PARD3: variants seen among roughly 807,000 people sequenced by gnomAD.
PARD3 encodes partitioning defective 3 homolog.
A neutral mutation model predicts 155.4 loss-of-function variants in PARD3; 75 were observed. The observed-to-expected ratio is 0.48, with a 90% confidence interval of 0.40 to 0.58. PARD3 has a LOEUF of 0.58. Ranked by LOEUF, PARD3 falls within the 20% of genes least tolerant of loss-of-function variation. PARD3 has a pLI of 0.00. For missense variants in PARD3, 1,642 were observed against 1,721.7 expected (o/e 0.95, Z 0.82); for synonymous variants, 576 against 610.5 (o/e 0.94, Z 0.83).
chr10:34,512,010 C>A (rs1000102929), intron 3 of PARD3, among the ~76,000 whole-genome samples: 1 of 152,212 alleles, frequency 6.6e-6, no homozygotes, highest in East Asian at 1.9e-4. Context: ...GAACACCTCC[C>A]ATTAGGCCAC....
Position 34,341,789 on chromosome 10 carries a change from T to G in PARD3, c.2246A>C (p.Asn749Thr), listed in dbSNP as rs779058097. The stretch of plus-strand genomic sequence containing the variant: ...AATGACAGTGTCATCTTGGGGCATA[T>G]TCACTGTAGGGGACAGCTGGTATTT... ...MGKYQLSPTV[N>T]MPQDDTVIIE... The change falls in exon 16 of 25, where the codon AAT becomes ACT. Residue 749 changes from asparagine (N) to threonine (T), a missense_variant. Coordinates refer to ENST00000374788, the MANE Select transcript of PARD3 (RefSeq NM_001184785.2). 9.9e-6 allele frequency: 16 copies of G among 1,612,906 alleles called. No individual in the cohort carries two copies. The Admixed American group carries it at 2.7e-4, about 27-fold the overall frequency.
chr10:34,203,243 T>C (rs1488464601), intron 22 of PARD3, among the ~76,000 whole-genome samples: 2 of 152,218 alleles, frequency 1.3e-5, no homozygotes, highest in Non-Finnish European at 2.9e-5. Flanking sequence ...CTTCAATCTA[T>C]ATGCCAAACC....
chr10:34,371,498 A>C lies in PARD3; in HGVS notation c.1707+1000T>G, dbSNP rs914896142. Among the ~76,000 whole-genome samples the C allele has an allele frequency of 1.7e-4, 10 of 58,692 alleles. 1 individual carries two copies. The highest frequency in any genetic ancestry group is 1.2e-3 in the African/African-American group (6 of 5,164). The allele number at this position is 58,692 out of a possible 152,430, so 38.5% of individuals were successfully genotyped here. On this transcript the variant is annotated intron_variant, in intron 12 of 24. Transcript: ENST00000374788. ...GAGATTCTAGACTCAAAAAAAAAAAAAAAAAAAAAAAAAAAAAAAAAAAAA... is the reference window on the plus strand; with the variant it reads ...GAGATTCTAGACTCAAAAAAAAAAACAAAAAAAAAAAAAAAAAAAAAAAAA...
intron 22 of PARD3, among the ~76,000 whole-genome samples, chr10:34,195,667 G>T (rs986093072): frequency 1.3e-5 from 2 of 152,168 alleles, no homozygotes; most frequent in African/African-American, 4.8e-5. Flanking sequence ...GTTCCGAGAA[G>T]AATGAGAAGG....
intron 15 of PARD3, 79 bp from the exon 16 acceptor site, chr10:34,341,895 A>G (rs765404236): frequency 2.1e-5 from 18 of 859,764 alleles, no homozygotes; most frequent in Non-Finnish European, 2.9e-5. Context: ...ATACTTTGCT[A>G]TATTAGTAAA....
chr10:34,762,219 CTT>C (rs995270042), intron 1 of PARD3, among the ~76,000 whole-genome samples: 10 of 151,294 alleles, frequency 6.6e-5, no homozygotes, highest in Non-Finnish European at 1.3e-4. Flanking sequence ...AAACAGTTTA[CTT>C]TTTTGTGTGT....
intron 22 of PARD3, among the ~76,000 whole-genome samples, chr10:34,171,205 C>G (rs1362327665): frequency 6.6e-6 from 1 of 152,194 alleles, no homozygotes; most frequent in Non-Finnish European, 1.5e-5. Context: ...TCAAGCTTTA[C>G]TGAAAGGCAA....
At chr10:34,783,343 G>A (rs892563560) in intron 1 of PARD3, among the ~76,000 whole-genome samples, 2 of 152,000 alleles carry the variant, frequency 1.3e-5, no homozygotes, top group East Asian at 1.9e-4. Context: ...AGTGGCTCAC[G>A]CCTGTAATCC....
intron 5 of PARD3, among the ~76,000 whole-genome samples, chr10:34,434,465 A>T (rs1257798646): frequency 6.6e-6 from 1 of 152,238 alleles, no homozygotes. Flanking sequence ...TGGTCAGCAT[A>T]AGACATGCTG....
At chr10:34,594,090 C>CA (rs2088991215) in intron 2 of PARD3, among the ~76,000 whole-genome samples, 1 of 152,176 alleles carries the variant, frequency 6.6e-6, no homozygotes, top group Non-Finnish European at 1.5e-5. Context: ...CCCAAGCACT[C>CA]AGACTATAGC....
At chr10:34,765,151 A>G (rs1249557873) in intron 1 of PARD3, among the ~76,000 whole-genome samples, 1 of 152,126 alleles carries the variant, frequency 6.6e-6, no homozygotes, top group Non-Finnish European at 1.5e-5. Flanking sequence ...AATTCAACGC[A>G]CTGATTTTCT....
chr10:34,807,956 C>T (rs1037310121), intron 1 of PARD3, among the ~76,000 whole-genome samples: 1 of 152,160 alleles, frequency 6.6e-6, no homozygotes, highest in Non-Finnish European at 1.5e-5. Context: ...GTTATTTTAA[C>T]TTTATTTACT....
At position 34,399,643 on chromosome 10, in the gene PARD3, T is replaced by A. The variant is rs143152557; in HGVS notation, c.807-230A>T. Among the ~76,000 whole-genome samples, 113 of 152,264 alleles carry A rather than the reference T, an allele frequency of 7.4e-4. No homozygotes were observed. In the East Asian group the frequency reaches 0.015, roughly 20 times the overall value. On this transcript the variant is annotated intron_variant, in intron 6 of 24. Transcript: ENST00000374788. Reference sequence around the variant, plus strand: ...ATACCTGAACACTAGTCTGATGGCATGGAGGGAGAGCAATCATCAGAGATA... The same window carrying A: ...ATACCTGAACACTAGTCTGATGGCAAGGAGGGAGAGCAATCATCAGAGATA...
intron 1 of PARD3, among the ~76,000 whole-genome samples, chr10:34,703,934 A>G (rs1306506575): frequency 6.6e-6 from 1 of 152,248 alleles, no homozygotes; most frequent in Non-Finnish European, 1.5e-5. Flanking sequence ...CAACGTTTCC[A>G]AAAACATTAC....
chr10:34,557,752 C>T (rs992716295), intron 2 of PARD3, among the ~76,000 whole-genome samples: 1 of 151,814 alleles, frequency 6.6e-6, no homozygotes, highest in Non-Finnish European at 1.5e-5. Context: ...GCCACTGCAC[C>T]CGGCCTCCCA....
intron 5 of PARD3, among the ~76,000 whole-genome samples, chr10:34,409,818 T>C (rs1008498031): frequency 6.6e-6 from 1 of 152,170 alleles, no homozygotes; most frequent in Non-Finnish European, 1.5e-5. Flanking sequence ...TCCCAGTATA[T>C]GATACAAATG....
intron 1 of PARD3, among the ~76,000 whole-genome samples, chr10:34,738,995 T>G (rs2094961663): frequency 6.6e-6 from 1 of 152,196 alleles, no homozygotes; most frequent in Admixed American, 6.5e-5. Context: ...AATTTACAAA[T>G]GGATGTAAAG....
At chr10:34,245,742 G>C (rs1238273976) in intron 22 of PARD3, among the ~76,000 whole-genome samples, 1 of 152,174 alleles carries the variant, frequency 6.6e-6, no homozygotes. Flanking sequence ...CAGGGTGCTG[G>C]TGAAAAGAGC....
chr10:34,210,406 T>C (rs1014355364), intron 22 of PARD3, among the ~76,000 whole-genome samples: 20 of 152,194 alleles, frequency 1.3e-4, no homozygotes, highest in Non-Finnish European at 2.9e-5. Context: ...GTGTGGATGT[T>C]GGTTGAGACA....
Sources: allele counts gnomAD v4.1 joint callset (sites outside exome capture counted in the v4.1 genomes callset), GRCh38; gene constraint gnomAD v4.1.1; transcripts MANE v1.5; gene names NCBI Gene and HGNC (gene_info 2026-07-23, HGNC 2026-07-21).